ZGRF1: variants seen among roughly 807,000 people sequenced by gnomAD.
The protein encoded by ZGRF1 is 5'-3' DNA helicase ZGRF1.
Under a neutral mutation model 203.5 loss-of-function variants are expected in ZGRF1, and 196 were observed. The observed-to-expected ratio is 0.96, with a 90% confidence interval of 0.86 to 1.08. The LOEUF (loss-of-function observed/expected upper bound fraction) is 1.08. ZGRF1 is among the 50% of genes least tolerant of loss of function. The pLI is 0.00. For synonymous variants in ZGRF1, 809 were observed against 841.3 expected, an observed-to-expected ratio of 0.96 and a Z score of 0.66; for missense variants, 2,326 against 2,416.3, an observed-to-expected ratio of 0.96 and a Z score of 0.78.
At chr4:112,581,442 AAAAT>A (rs1245879766) in intron 16 of ZGRF1, among the ~76,000 whole-genome samples, 2 of 151,506 alleles carry the variant, frequency 1.3e-5, no homozygotes, top group African/African-American at 2.4e-5. Flanking sequence ...AATAAAAATA[AAAAT>A]AAATAAAAAA....
intron 16 of ZGRF1, among the ~76,000 whole-genome samples, chr4:112,567,906 G>A (rs1028162860): frequency 1.3e-5 from 2 of 152,018 alleles, no homozygotes; most frequent in African/African-American, 4.8e-5. Flanking sequence ...GGGTGACAGA[G>A]TGAGACCCTG....
intron 10 of ZGRF1, among the ~76,000 whole-genome samples, chr4:112,592,514 C>G (rs376609063): frequency 1.3e-5 from 2 of 152,206 alleles, no homozygotes; most frequent in Non-Finnish European, 2.9e-5. Flanking sequence ...TTTCTGTCCT[C>G]ATTTTATTGG....
intron 10 of ZGRF1, among the ~76,000 whole-genome samples, chr4:112,593,896 T>C (rs1748575546): frequency 6.6e-6 from 1 of 151,690 alleles, no homozygotes; most frequent in Non-Finnish European, 1.5e-5. Flanking sequence ...CCTGAGTAGC[T>C]GGCACTACAG....
chr4:112,551,569 A>G (rs943402608), intron 22 of ZGRF1, among the ~76,000 whole-genome samples: 20 of 152,228 alleles, frequency 1.3e-4, no homozygotes, highest in Non-Finnish European at 7.3e-5. Context: ...ATAGCCCTGT[A>G]TCAGTTAGGT....
chr4:112,603,453 T>C, intron 10 of ZGRF1, 71 bp downstream of exon 10: 1 of 1,091,734 alleles, frequency 9.2e-7, no homozygotes, highest in Non-Finnish European at 1.3e-6. Context: ...ACAACTATAC[T>C]ATTTTCACAA....
chr4:112,547,253 T>C, intron 24 of ZGRF1, 32 bp downstream of exon 24: 6 of 1,591,406 alleles, frequency 3.8e-6, no homozygotes, highest in Non-Finnish European at 5.1e-6. Flanking sequence ...AATCAATAAA[T>C]GATAATTCCG....
In ZGRF1 at chr4:112,548,257, C is replaced by T; in HGVS notation, c.5470G>A (p.Ala1824Thr). Residue 1824 changes from alanine (A) to threonine (T), a missense_variant, in exon 23 of 28, where the codon GCA (alanine) becomes ACA (threonine). Transcript: ENST00000505019. Reference protein sequence around the residue: ...ITEPASLLPIARFECEKLILV... With the variant: ...ITEPASLLPITRFECEKLILV... Reference sequence around the variant, plus strand: ...GGAAAGAATCTTTTAGGTTACCTTGCAATGGGAAGGAGAGAGGCCGGTTCA... The same window carrying T: ...GGAAAGAATCTTTTAGGTTACCTTGTAATGGGAAGGAGAGAGGCCGGTTCA... 6.4e-7 allele frequency: 1 copy of T among 1,551,958 alleles called. No individual in the cohort carries two copies. The highest frequency in any genetic ancestry group is 8.7e-7 in the Non-Finnish European group (1 of 1,146,936).
rs1741309175 is a variant in ZGRF1 at position 112,558,223 on chromosome 4, T to C, written c.5047A>G (p.Ile1683Val). 3.1e-6 allele frequency: 5 copies of C among 1,606,590 alleles called. No individual in the cohort carries two copies. Among genetic ancestry groups the C allele is most frequent in the Non-Finnish European group, 4.2e-6 (5 of 1,177,078 alleles). ...AGTTTCCACGGCCTTGCATTTCCAA[T>C]GGTGGGAGCTTCACTCTTTTCAAAC... ...QLFEKSEAPT[I>V]GNARPWKLLI... The change falls in exon 20 of 28, where the codon ATT (isoleucine) becomes GTT (valine). Residue 1683 changes from isoleucine to valine, a missense_variant. Transcript: ENST00000505019.
intron 17 of ZGRF1, among the ~76,000 whole-genome samples, chr4:112,562,873 C>G (rs1310584997): frequency 6.6e-6 from 1 of 152,138 alleles, no homozygotes; most frequent in Non-Finnish European, 1.5e-5. Context: ...ATTTTTTCCT[C>G]AATTACTTCA....
At chr4:112,626,317 C>T (rs2047238745) in intron 3 of ZGRF1, among the ~76,000 whole-genome samples, 1 of 152,354 alleles carries the variant, frequency 6.6e-6, no homozygotes, top group Non-Finnish European at 1.5e-5. Context: ...TACACCCTCC[C>T]TGAGCACTAT....
intron 10 of ZGRF1, among the ~76,000 whole-genome samples, chr4:112,600,954 A>G (rs780749343): frequency 1.3e-5 from 2 of 151,780 alleles, no homozygotes; most frequent in Admixed American, 6.6e-5. Flanking sequence ...TACTTCTCAT[A>G]CTGTCTTTTT....
chr4:112,561,042 G>GA, intron 18 of ZGRF1, 47 bp from the exon 19 acceptor site: 1 of 1,402,168 alleles, frequency 7.1e-7, no homozygotes, highest in Non-Finnish European at 1.0e-6. Context: ...AGGGGCATTT[G>GA]AAAAAGATGA....
At chr4:112,583,827 C>T (rs1045678411) in intron 15 of ZGRF1, 151 bp downstream of exon 15, 4 of 494,192 alleles carry the variant, frequency 8.1e-6, no homozygotes, top group Non-Finnish European at 1.1e-5. Flanking sequence ...AAAAAAAAGA[C>T]TTATTCCCAT....
intron 3 of ZGRF1, chr4:112,628,496 A>C (rs2047307214): frequency 4.5e-6 from 2 of 440,010 alleles, no homozygotes; most frequent in Non-Finnish European, 9.1e-6. Flanking sequence ...TATTCAGTGG[A>C]AGATGAATAA....
chr4:112,563,977 T>C (rs1409927543), intron 16 of ZGRF1, among the ~76,000 whole-genome samples: 2 of 152,138 alleles, frequency 1.3e-5, no homozygotes, highest in African/African-American at 4.8e-5. Context: ...CAGCTCTTAA[T>C]ACACTGGCAA....
In ZGRF1 at chr4:112,612,544, G is replaced by A. The variant is rs2046723596; in HGVS notation, c.2647C>T (p.Leu883=). ...TGTACCTGTTGAGAATCCTTGTGCA[G>A]ATGAGGAGACTTTGGTGAAACTACT... ...ITVVSPKSPH[L]HKDSQQILKE... is the part of the protein sequence containing the mutation. Residue 883 remains leucine (L), a synonymous_variant, in exon 7 of 28, where the codon CTG becomes TTG. Coordinates refer to ENST00000505019, the MANE Select transcript of ZGRF1 (RefSeq NM_018392.5). 1 of 1,607,002 alleles carries A rather than the reference G, an allele frequency of 6.2e-7. No homozygotes were observed. Among genetic ancestry groups the A allele is most frequent in the East Asian group, 2.2e-5 (1 of 44,684 alleles).
Position 112,617,521 on chromosome 4 carries a change from T to G in ZGRF1, c.2521A>C (p.Ser841Arg), listed in dbSNP as rs1053742289. 8.1e-6 allele frequency: 13 copies of G among 1,603,534 alleles called. No individual in the cohort carries two copies. Among genetic ancestry groups the G allele is most frequent in the Non-Finnish European group, 1.0e-5 (12 of 1,177,296 alleles). Residue 841 changes from serine to arginine, a missense_variant, in exon 6 of 28, where the codon AGC becomes CGC. Coordinates refer to ENST00000505019, the MANE Select transcript of ZGRF1 (RefSeq NM_018392.5). ...TTTTTCTTTTTCAATATTTCCAAGCTGTCTAAAGCAGTACTGTGTTCACAT... is the reference window on the plus strand; with the variant it reads ...TTTTTCTTTTTCAATATTTCCAAGCGGTCTAAAGCAGTACTGTGTTCACAT... ...SLCEHSTALD[S>R]LEILKKKNTV...
intron 25 of ZGRF1, 46 bp downstream of exon 25, chr4:112,541,046 A>G (rs1225252120): frequency 6.5e-7 from 1 of 1,546,130 alleles, no homozygotes. Flanking sequence ...AAATTAAACC[A>G]GGAACCTAAA....
chr4:112,549,482 T>C (rs1366418491), intron 22 of ZGRF1, among the ~76,000 whole-genome samples: 2 of 152,156 alleles, frequency 1.3e-5, no homozygotes, highest in African/African-American at 4.8e-5. Context: ...CACATAACAA[T>C]GTGATGTTTT....
Sources: allele counts gnomAD v4.1 joint callset (sites outside exome capture counted in the v4.1 genomes callset), GRCh38; gene constraint gnomAD v4.1.1; transcripts MANE v1.5; gene names NCBI Gene and HGNC (gene_info 2026-07-23, HGNC 2026-07-21).